Variants in DMD observed in about 807,000 individuals in gnomAD.
DMD encodes mutant dystrophin.
A neutral mutation model predicts 330.1 loss-of-function variants in DMD; 63 were observed. That is an observed-to-expected ratio of 0.19 (90% CI 0.16 to 0.24). The LOEUF (loss-of-function observed/expected upper bound fraction) is 0.24, where lower values mean the gene tolerates loss of function less well. Ranked by LOEUF, DMD falls within the 10% of genes least tolerant of loss-of-function variation. DMD has a pLI of 1.00. For synonymous variants in DMD, 1,223 were observed against 959.8 expected, an observed-to-expected ratio of 1.27 and a Z score of -5.07; for missense variants, 3,344 against 2,684.1, an observed-to-expected ratio of 1.25 and a Z score of -5.43.
intron 1 of DMD, among the ~76,000 whole-genome samples, chrX:33,298,310 C>G (rs1353641487): frequency 2.7e-5 from 3 of 111,563 alleles, no homozygotes; most frequent in Non-Finnish European, 3.8e-5. Flanking sequence ...AATTCTTACT[C>G]AAAATTTAAT....
Position 31,809,100 on chromosome X carries a change from T to C in DMD, c.7309+10875A>G, listed in dbSNP as rs1340811648. Among the ~76,000 whole-genome samples, 7 of 107,039 alleles carry C rather than the reference T, an allele frequency of 6.5e-5. No individual in the cohort carries two copies. In the East Asian group the frequency reaches 1.1e-3, roughly 17 times the overall value. 93.0% of individuals were successfully genotyped at this position (107,039 alleles called of 115,157 possible). On this transcript the variant is annotated intron_variant, in intron 50 of 78. Coordinates refer to ENST00000357033, the MANE Select transcript of DMD (RefSeq NM_004006.3). ...CAATATTGTCTCTCATATATACATA[T>C]AAAATCTCTTATATATATATGAGTT...
intron 44 of DMD, among the ~76,000 whole-genome samples, chrX:32,137,749 G>T (rs1399724436): frequency 9.0e-6 from 1 of 110,577 alleles, no homozygotes; most frequent in Non-Finnish European, 1.9e-5. Flanking sequence ...AGCTGTCCAT[G>T]GTGCTGCATG....
At chrX:31,698,284 G>T (rs916352406) in intron 52 of DMD, among the ~76,000 whole-genome samples, 1 of 111,994 alleles carries the variant, frequency 8.9e-6, no homozygotes, top group African/African-American at 3.2e-5. Flanking sequence ...CCCAATTGCA[G>T]TTAAGACAAA....
chrX:32,313,981 T>C (rs1467641423), intron 41 of DMD, among the ~76,000 whole-genome samples: 1 of 111,254 alleles, frequency 9.0e-6, no homozygotes, highest in Non-Finnish European at 1.9e-5. Context: ...CCCAAAGTAA[T>C]TTATAGATTC....
chrX:32,059,526 T>C (rs773686296), intron 44 of DMD, among the ~76,000 whole-genome samples: 1 of 112,101 alleles, frequency 8.9e-6, no homozygotes, highest in South Asian at 3.7e-4. Flanking sequence ...ATATTAAATG[T>C]TGTGTATCAA....
chrX:32,441,934 C>G (rs1045000423), intron 27 of DMD, among the ~76,000 whole-genome samples: 1 of 110,887 alleles, frequency 9.0e-6, no homozygotes, highest in African/African-American at 3.3e-5. Context: ...TATTTTTCCA[C>G]ATTCTTATTA....
intron 2 of DMD, among the ~76,000 whole-genome samples, chrX:32,932,599 G>A (rs754828175): frequency 6.2e-5 from 7 of 112,030 alleles, no homozygotes; most frequent in Non-Finnish European, 1.3e-4. Flanking sequence ...AGAAAGGAGA[G>A]TCGTGGGTAC....
chrX:32,106,272 T>C (rs1435777814), intron 44 of DMD, among the ~76,000 whole-genome samples: 1 of 111,705 alleles, frequency 9.0e-6, no homozygotes, highest in Admixed American at 9.5e-5. Context: ...AAAAATGATT[T>C]TTAGTGTAAA....
At chrX:32,204,261 A>C (rs1395749533) in intron 44 of DMD, among the ~76,000 whole-genome samples, 1 of 112,084 alleles carries the variant, frequency 8.9e-6, no homozygotes. Flanking sequence ...TAAAGCGTTT[A>C]AACTTTCCGA....
At chrX:32,809,947 GAAAGAAAGA>G (rs2077246187) in intron 6 of DMD, among the ~76,000 whole-genome samples, 1 of 47,891 alleles carries the variant, frequency 2.1e-5, no homozygotes, top group Non-Finnish European at 3.9e-5. Context: ...AAAAAAAAAA[GAAAGAAAGA>G]AAGAAAGAAA....
At chrX:32,209,951 G>A (rs1011787465) in intron 44 of DMD, among the ~76,000 whole-genome samples, 2 of 111,311 alleles carry the variant, frequency 1.8e-5, no homozygotes, top group African/African-American at 3.3e-5. Flanking sequence ...AGCCCCTCTC[G>A]GAATTTCTGC....
intron 7 of DMD, among the ~76,000 whole-genome samples, chrX:32,724,088 C>T (rs766849875): frequency 8.9e-6 from 1 of 111,896 alleles, no homozygotes; most frequent in East Asian, 2.8e-4. Context: ...TTAGATTCGA[C>T]AGTTGACAAG....
intron 55 of DMD, among the ~76,000 whole-genome samples, chrX:31,622,877 T>TATAC (rs1361969125): frequency 0.021 from 1,445 of 70,094 alleles, 20 homozygotes; most frequent in East Asian, 0.046. Flanking sequence ...TATATATATA[T>TATAC]ACACACACAC....
At chrX:32,716,768 T>C (rs1368497682) in intron 7 of DMD, among the ~76,000 whole-genome samples, 1 of 111,067 alleles carries the variant, frequency 9.0e-6, no homozygotes, top group African/African-American at 3.3e-5. Flanking sequence ...TGAGGTGGTC[T>C]CAGATGAAGA....
intron 55 of DMD, among the ~76,000 whole-genome samples, chrX:31,565,581 A>C (rs983330388): frequency 1.4e-4 from 16 of 111,980 alleles, no homozygotes; most frequent in Non-Finnish European, 3.0e-4. Context: ...TTTTGGCTAT[A>C]ATGAATAATG....
intron 44 of DMD, among the ~76,000 whole-genome samples, chrX:32,199,684 G>A (rs2606676): frequency 0.13 from 14,565 of 108,247 alleles, 1,020 homozygotes; most frequent in Middle Eastern, 0.22. Flanking sequence ...TGCTATCTCA[G>A]CTCACTGCAA....
chrX:31,289,091 C>T (rs1483086095), intron 62 of DMD, among the ~76,000 whole-genome samples: 1 of 106,445 alleles, frequency 9.4e-6, no homozygotes, highest in Non-Finnish European at 1.9e-5. Flanking sequence ...ACCAACCTGG[C>T]CAACATGGTG....
At chrX:31,558,662 A>G (rs1181250983) in intron 55 of DMD, among the ~76,000 whole-genome samples, 2 of 107,876 alleles carry the variant, frequency 1.9e-5, no homozygotes. Flanking sequence ...TATACTATAT[A>G]TATGTGTGCG....
chrX:31,924,487 A>G, intron 47 of DMD, among the ~76,000 whole-genome samples: 1 of 112,192 alleles, frequency 8.9e-6, no homozygotes, highest in Non-Finnish European at 1.9e-5. Flanking sequence ...GATTAATACA[A>G]AATGAACCAG....
Sources: gnomAD v4.1 joint callset for allele counts (sites outside exome capture counted in the v4.1 genomes callset) on GRCh38, gnomAD v4.1.1 for gene constraint, MANE v1.5 for transcripts, NCBI Gene and HGNC (gene_info 2026-07-23, HGNC 2026-07-21) for gene names.